Variants in KDM4C observed in about 807,000 individuals in gnomAD.
The protein encoded by KDM4C is lysine demethylase 4C, also known as lysine-specific demethylase 4C.
KDM4C carries 81 observed loss-of-function variants against 129.3 expected under a neutral mutation model. The ratio of observed to expected loss-of-function variants is 0.63; its 90% CI spans 0.52 to 0.75. KDM4C has a LOEUF of 0.75. Ranked by LOEUF, KDM4C falls within the 30% of genes least tolerant of loss-of-function variation. The pLI is 0.00. For synonymous variants in KDM4C, 573 were observed against 456.1 expected (o/e 1.26, Z -3.26); for missense variants, 1,457 against 1,304.0 (o/e 1.12, Z -1.81).
chr9:6,904,375 C>T (rs1349961077), intron 8 of KDM4C, among the ~76,000 whole-genome samples: 1 of 151,412 alleles, frequency 6.6e-6, no homozygotes, highest in Non-Finnish European at 1.5e-5. Context: ...GTAGCGTATC[C>T]CAAAAGAATG....
In KDM4C at chr9:7,049,140, T is replaced by G; in HGVS notation, c.2364T>G (p.Thr788=). ...CAVAVPEVRF[T]NVPERTQIDV... is the part of the protein sequence containing the mutation. ...TTGCGGTCCCAGAAGTTCGATTCACTAATGTCCCAGAAAGGACACAAATAG... is the reference window on the plus strand; with the variant it reads ...TTGCGGTCCCAGAAGTTCGATTCACGAATGTCCCAGAAAGGACACAAATAG... Residue 788 remains threonine (T), a synonymous_variant, in exon 17 of 22, where the codon ACT becomes ACG. Coordinates refer to ENST00000381309, the MANE Select transcript of KDM4C (RefSeq NM_015061.6). 2 of 1,612,678 alleles carry G rather than the reference T, an allele frequency of 1.2e-6. No homozygotes were observed. The highest frequency in any genetic ancestry group is 2.7e-5 in the African/African-American group (2 of 74,938).
chr9:6,869,426 C>G (rs187457080), intron 5 of KDM4C, among the ~76,000 whole-genome samples: 28 of 152,350 alleles, frequency 1.8e-4, no homozygotes, highest in African/African-American at 6.0e-4. Context: ...CACCTCTTTA[C>G]AAACATGTTT....
At chr9:6,967,863 G>A (rs531875128) in intron 8 of KDM4C, among the ~76,000 whole-genome samples, 71 of 152,206 alleles carry the variant, frequency 4.7e-4, no homozygotes, top group Non-Finnish European at 9.1e-4. Flanking sequence ...ATATGAGGCT[G>A]TGTCTTTACC....
intron 18 of KDM4C, among the ~76,000 whole-genome samples, chr9:7,119,990 C>G (rs970282511): frequency 2.6e-5 from 4 of 152,100 alleles, no homozygotes; most frequent in South Asian, 2.1e-4. Context: ...TTCTTAGCAC[C>G]TAGGAATGTG....
chr9:6,924,610 C>G, intron 8 of KDM4C: 1 of 289,126 alleles, frequency 3.5e-6, no homozygotes, highest in Non-Finnish European at 5.2e-6. Context: ...TGTACCTTGC[C>G]CACGCCAATT....
chr9:6,786,690 G>C (rs551587117), intron 1 of KDM4C, among the ~76,000 whole-genome samples: 113 of 152,252 alleles, frequency 7.4e-4, no homozygotes, highest in Non-Finnish European at 1.2e-3. Context: ...AAGAGGGACT[G>C]GGGATTTAAT....
intron 10 of KDM4C, among the ~76,000 whole-genome samples, chr9:6,985,279 A>G (rs1003286916): frequency 2.6e-5 from 4 of 152,218 alleles, no homozygotes; most frequent in East Asian, 3.8e-4. Flanking sequence ...TATTCCACCT[A>G]TAATAAAAGA....
At chr9:6,973,067 A>G (rs1304395969) in intron 8 of KDM4C, among the ~76,000 whole-genome samples, 1 of 152,224 alleles carries the variant, frequency 6.6e-6, no homozygotes, top group Non-Finnish European at 1.5e-5. Context: ...TGAATCTGAG[A>G]TGGTGAATTA....
At chr9:6,841,409 C>G (rs1041609423) in intron 4 of KDM4C, among the ~76,000 whole-genome samples, 25 of 152,036 alleles carry the variant, frequency 1.6e-4, no homozygotes, top group African/African-American at 5.3e-4. Context: ...AAAGACTTAG[C>G]GAGAGAGTGA....
intron 5 of KDM4C, among the ~76,000 whole-genome samples, chr9:6,865,135 A>G (rs1841709269): frequency 6.6e-6 from 1 of 151,200 alleles, no homozygotes; most frequent in Admixed American, 6.6e-5. Flanking sequence ...CAGCCTCCCG[A>G]GTAGCTGGGA....
At chr9:6,849,469 G>C (rs550198983) in intron 4 of KDM4C, 38 bp from the exon 5 acceptor site, 11 of 1,489,356 alleles carry the variant, frequency 7.4e-6, no homozygotes, top group East Asian at 2.3e-5. Context: ...GGTTTAGTAA[G>C]ATTTGATTTC....
At chr9:6,998,003 G>T (rs1209495726) in intron 12 of KDM4C, among the ~76,000 whole-genome samples, 2 of 152,190 alleles carry the variant, frequency 1.3e-5, no homozygotes, top group Non-Finnish European at 2.9e-5. Flanking sequence ...TACAAGTTTG[G>T]ATATTGGCAA....
At chr9:6,951,477 A>G (rs1003071905) in intron 8 of KDM4C, among the ~76,000 whole-genome samples, 2 of 152,130 alleles carry the variant, frequency 1.3e-5, no homozygotes, top group East Asian at 3.8e-4. Context: ...CACTAGTTGC[A>G]TTTTGTTTTT....
chr9:6,998,991 G>A (rs1171540094), intron 12 of KDM4C, among the ~76,000 whole-genome samples: 2 of 151,958 alleles, frequency 1.3e-5, no homozygotes, highest in Admixed American at 6.6e-5. Context: ...ACTTCACCCC[G>A]TGTCTTGTAG....
At chr9:6,852,971 C>T (rs145026597) in intron 5 of KDM4C, among the ~76,000 whole-genome samples, 230 of 152,178 alleles carry the variant, frequency 1.5e-3, no homozygotes, top group African/African-American at 5.2e-3. Context: ...CCTTTCTCCC[C>T]GACCATCCTC....
At chr9:6,762,810 C>T (rs932779386) in intron 1 of KDM4C, among the ~76,000 whole-genome samples, 2 of 151,828 alleles carry the variant, frequency 1.3e-5, no homozygotes, top group African/African-American at 2.4e-5. Context: ...AGGCACCTGC[C>T]ATCACGCCCA....
intron 1 of KDM4C, among the ~76,000 whole-genome samples, chr9:6,740,836 CT>C (rs200876079): frequency 0.011 from 1,477 of 128,524 alleles, 24 homozygotes; most frequent in African/African-American, 0.042. Flanking sequence ...TAATTATTTT[CT>C]TTTTTTTTGA....
intron 1 of KDM4C, among the ~76,000 whole-genome samples, chr9:6,761,120 C>T (rs933335698): frequency 6.6e-5 from 10 of 151,628 alleles, no homozygotes; most frequent in African/African-American, 1.9e-4. Flanking sequence ...GGCGATTCTC[C>T]TGCCTCAGCC....
At chr9:6,889,860 T>C (rs1319288539) in intron 7 of KDM4C, among the ~76,000 whole-genome samples, 2 of 152,314 alleles carry the variant, frequency 1.3e-5, no homozygotes, top group Admixed American at 1.3e-4. Context: ...GGGAGGCCTC[T>C]GGAGCTTGGA....
Sources: gnomAD v4.1 joint callset for allele counts (sites outside exome capture counted in the v4.1 genomes callset) on GRCh38, gnomAD v4.1.1 for gene constraint, MANE v1.5 for transcripts, NCBI Gene and HGNC (gene_info 2026-07-23, HGNC 2026-07-21) for gene names.